LIN28B: variants seen among roughly 807,000 people sequenced by gnomAD.
The protein encoded by LIN28B is lin-28 RNA binding posttranscriptional regulator B, also known as protein lin-28 homolog B.
Under a neutral mutation model 21.9 loss-of-function variants are expected in LIN28B, and 5 were observed. The ratio of observed to expected loss-of-function variants is 0.23; its 90% CI spans 0.12 to 0.48. The LOEUF is 0.48. Among genes scored for constraint, LIN28B ranks in the 20% least tolerant of loss-of-function variants. The probability of loss-of-function intolerance (pLI) is 0.98; values close to 1 mark genes in which losing one functional copy is unlikely to be tolerated. For missense variants in LIN28B, 245 were observed against 310.5 expected, an observed-to-expected ratio of 0.79 and a Z score of 1.58; for synonymous variants, 109 against 111.3, an observed-to-expected ratio of 0.98 and a Z score of 0.13.
At chr6:104,996,028 C>T (rs1312506198) in intron 2 of LIN28B, among the ~76,000 whole-genome samples, 1 of 151,374 alleles carries the variant, frequency 6.6e-6, no homozygotes, top group Non-Finnish European at 1.5e-5. Context: ...GTGAATCAAA[C>T]AAAATCAGGT....
chr6:104,957,081 A>G, upstream of LIN28B: 1 of 1,502,976 alleles, frequency 6.7e-7, no homozygotes, highest in Non-Finnish European at 8.9e-7. Flanking sequence ...AGGGGGCCAG[A>G]AACTGGAGAG....
At chr6:105,026,778 C>A (rs1199552215) in intron 3 of LIN28B, among the ~76,000 whole-genome samples, 6 of 152,116 alleles carry the variant, frequency 3.9e-5, no homozygotes, top group Non-Finnish European at 8.8e-5. Context: ...CCCCTTTTTA[C>A]ACCCAGAATT....
chr6:105,049,563 C>T (rs1369940728), intron 3 of LIN28B, among the ~76,000 whole-genome samples: 3 of 152,066 alleles, frequency 2.0e-5, no homozygotes, highest in African/African-American at 7.2e-5. Flanking sequence ...TCCTTGTTAA[C>T]TTTCTGTCTC....
intron 2 of LIN28B, among the ~76,000 whole-genome samples, chr6:104,979,902 A>G (rs1361990526): frequency 2.0e-5 from 3 of 152,196 alleles, no homozygotes; most frequent in Non-Finnish European, 4.4e-5. Context: ...CTGAACATGT[A>G]AGCCATTTAT....
intron 2 of LIN28B, among the ~76,000 whole-genome samples, chr6:105,023,619 ATTATATATT>A (rs1397096076): frequency 1.6e-5 from 1 of 61,846 alleles, no homozygotes; most frequent in South Asian, 3.7e-4. Flanking sequence ...TATAATATAT[ATTATATATT>A]TTATATATAT....
chr6:105,064,234 G>A (rs1353930985), intron 3 of LIN28B, among the ~76,000 whole-genome samples: 1 of 152,192 alleles, frequency 6.6e-6, no homozygotes, highest in African/African-American at 2.4e-5. Flanking sequence ...ATTGAACACA[G>A]TTAAGTGAGA....
Position 105,023,584 on chromosome 6 carries a change from TTA to T in LIN28B, c.199-2706_199-2705del, listed in dbSNP as rs1491118420. Reference sequence around the variant, plus strand: ...ATATATATAATATATATAATATATATTATATATATTATATATATAAAATATAT... The same window carrying T: ...ATATATATAATATATATAATATATATTATATATTATATATATAAAATATAT... On this transcript the variant is annotated intron_variant, in intron 2 of 3. Transcript: ENST00000345080. Among the ~76,000 whole-genome samples the T allele has an allele frequency of 7.9e-5, 2 of 25,438 alleles. 1 individual carries two copies. The highest frequency in any genetic ancestry group is 2.3e-4 in the African/African-American group (2 of 8,586). 16.7% of individuals were successfully genotyped at this position (25,438 alleles called of 152,430 possible). A position where few individuals can be genotyped will look rare whatever the true frequency, so the allele number is the denominator to read the frequency against.
intron 2 of LIN28B, among the ~76,000 whole-genome samples, chr6:105,003,013 G>T (rs1770748075): frequency 6.6e-6 from 1 of 152,150 alleles, no homozygotes; most frequent in South Asian, 2.1e-4. Context: ...CTTCGGGCAG[G>T]TTAATTTGGG....
intron 3 of LIN28B, among the ~76,000 whole-genome samples, chr6:105,065,956 G>A (rs1243745948): frequency 2.0e-5 from 3 of 152,142 alleles, no homozygotes; most frequent in African/African-American, 4.8e-5. Context: ...CACTTGAGCC[G>A]AGCCTAGAAG....
chr6:104,946,421 G>C (rs1265901127), intron 2 of LIN28B, among the ~76,000 whole-genome samples: 2 of 152,066 alleles, frequency 1.3e-5, no homozygotes, highest in African/African-American at 4.8e-5. Context: ...AATTTAGTCT[G>C]TTGACTAATT....
intron 3 of LIN28B, among the ~76,000 whole-genome samples, chr6:105,063,148 C>T (rs1474277851): frequency 6.6e-6 from 1 of 151,898 alleles, no homozygotes; most frequent in Non-Finnish European, 1.5e-5. Flanking sequence ...ATTTATTTGT[C>T]TTATATAAAG....
chr6:104,974,809 AATTATTATT>A (rs201450160), intron 2 of LIN28B, among the ~76,000 whole-genome samples: 2 of 151,076 alleles, frequency 1.3e-5, no homozygotes, highest in Non-Finnish European at 3.0e-5. Flanking sequence ...GGATATTTTG[AATTATTATT>A]ATTATTATTA....
chr6:105,006,510 C>T (rs1255845700), intron 2 of LIN28B, among the ~76,000 whole-genome samples: 3 of 152,160 alleles, frequency 2.0e-5, no homozygotes, highest in Non-Finnish European at 4.4e-5. Flanking sequence ...TGGGATTTCA[C>T]CATGTTGGTC....
chr6:104,998,487 T>C (rs546075966), intron 2 of LIN28B, among the ~76,000 whole-genome samples: 1 of 152,264 alleles, frequency 6.6e-6, no homozygotes, highest in South Asian at 2.1e-4. Flanking sequence ...ATTTTAAAAT[T>C]TGTTTACCTT....
intron 2 of LIN28B, among the ~76,000 whole-genome samples, chr6:104,984,650 G>C (rs995857262): frequency 2.6e-5 from 4 of 151,904 alleles, no homozygotes; most frequent in African/African-American, 9.7e-5. Context: ...TGACCAGGCT[G>C]GTCTTGAACA....
intron 3 of LIN28B, among the ~76,000 whole-genome samples, chr6:105,054,089 T>C (rs1296091338): frequency 6.6e-6 from 1 of 152,194 alleles, no homozygotes; most frequent in East Asian, 1.9e-4. Context: ...CTGTGACTTA[T>C]ATTTAAAATA....
chr6:104,941,857 T>G (rs759158374), intron 2 of LIN28B, among the ~76,000 whole-genome samples: 23 of 152,356 alleles, frequency 1.5e-4, no homozygotes, highest in Admixed American at 3.3e-4. Context: ...CAAAAACTTT[T>G]TTTAAAAATT....
intron 3 of LIN28B, among the ~76,000 whole-genome samples, chr6:105,059,013 C>G (rs1329866078): frequency 1.3e-5 from 2 of 152,148 alleles, no homozygotes; most frequent in Non-Finnish European, 2.9e-5. Flanking sequence ...GCTTGTCAGA[C>G]TTTGAGGAAG....
intron 2 of LIN28B, among the ~76,000 whole-genome samples, chr6:104,992,897 G>T (rs1210002500): frequency 6.6e-6 from 1 of 152,010 alleles, no homozygotes; most frequent in Non-Finnish European, 1.5e-5. Flanking sequence ...GACACTGGAG[G>T]TTACAGTGTG....
Sources: gnomAD v4.1 joint callset for allele counts (sites outside exome capture counted in the v4.1 genomes callset) on GRCh38, gnomAD v4.1.1 for gene constraint, MANE v1.5 for transcripts, NCBI Gene and HGNC (gene_info 2026-07-23, HGNC 2026-07-21) for gene names.